TOPBP1: variants seen among roughly 807,000 people sequenced by gnomAD.
The protein encoded by TOPBP1 is DNA topoisomerase 2-binding protein 1.
A neutral mutation model predicts 167.7 loss-of-function variants in TOPBP1; 28 were observed. That is an observed-to-expected ratio of 0.17 (90% CI 0.12 to 0.23). TOPBP1 has a LOEUF of 0.23. Ranked by LOEUF, TOPBP1 falls within the 10% of genes least tolerant of loss-of-function variation. The pLI, the probability that TOPBP1 is intolerant of heterozygous loss-of-function variation, is 1.00. For synonymous variants in TOPBP1, 598 were observed against 611.4 expected (o/e 0.98, Z 0.32); for missense variants, 1,554 against 1,809.6 (o/e 0.86, Z 2.56).
chr3:133,649,003 CATG>C (rs1400360216), intron 10 of TOPBP1, among the ~76,000 whole-genome samples: 2 of 151,998 alleles, frequency 1.3e-5, no homozygotes, highest in African/African-American at 4.8e-5. Flanking sequence ...TACCTTACTA[CATG>C]ATAAGAGTAC....
At position 133,649,870 on chromosome 3, in the gene TOPBP1, C is replaced by G. The variant is rs753012097; in HGVS notation, c.1163G>C (p.Arg388Pro). Residue 388 changes from arginine to proline, a missense_variant, in exon 9 of 28, where the codon CGT becomes CCT. Transcript: ENST00000260810. The stretch of plus-strand genomic sequence containing the variant: ...TACATCTTCATTTAGCTGGTTAAAA[C>G]GAACTCCACCTCCACTGTTAATAAG... The part of the protein sequence containing the change: ...RRLINSGGGV[R>P]FNQLNEDVTH... 6.2e-7 allele frequency: 1 copy of G among 1,612,706 alleles called. No homozygotes were observed. Among genetic ancestry groups the G allele is most frequent in the Non-Finnish European group, 8.5e-7 (1 of 1,179,528 alleles).
At chr3:133,612,006 G>A (rs1229401682) in intron 24 of TOPBP1, among the ~76,000 whole-genome samples, 1 of 150,576 alleles carries the variant, frequency 6.6e-6, no homozygotes, top group African/African-American at 2.4e-5. Flanking sequence ...CCAAAGTGCT[G>A]AAAGTGGCAT....
intron 27 of TOPBP1, among the ~76,000 whole-genome samples, chr3:133,602,787 G>A (rs1249650250): frequency 6.6e-6 from 1 of 152,124 alleles, no homozygotes; most frequent in Non-Finnish European, 1.5e-5. Flanking sequence ...TATAAAATAG[G>A]CAGTGGGCCA....
intron 8 of TOPBP1, among the ~76,000 whole-genome samples, chr3:133,651,171 CTTTT>C (rs1176625452): frequency 2.4e-5 from 2 of 82,086 alleles, no homozygotes; most frequent in Non-Finnish European, 4.4e-5. Context: ...CCGAATTTCC[CTTTT>C]TTTTTTTTTT....
At chr3:133,641,256 C>T (rs1300649501) in intron 12 of TOPBP1, among the ~76,000 whole-genome samples, 1 of 152,100 alleles carries the variant, frequency 6.6e-6, no homozygotes, top group Non-Finnish European at 1.5e-5. Context: ...TCACTTGTAT[C>T]GTAAATTCCT....
intron 6 of TOPBP1, among the ~76,000 whole-genome samples, chr3:133,653,736 T>C (rs915241284): frequency 3.9e-5 from 6 of 151,918 alleles, no homozygotes; most frequent in Non-Finnish European, 8.8e-5. Flanking sequence ...ATCAAGCGAT[T>C]CTCCTGCCTC....
chr3:133,661,370 C>G (rs1274545182), intron 1 of TOPBP1, among the ~76,000 whole-genome samples: 1 of 152,212 alleles, frequency 6.6e-6, no homozygotes, highest in African/African-American at 2.4e-5. Flanking sequence ...GAATTGAATA[C>G]ACTGAGGAAG....
At chr3:133,630,544 C>T (rs1019531541) in intron 14 of TOPBP1, among the ~76,000 whole-genome samples, 3 of 152,032 alleles carry the variant, frequency 2.0e-5, no homozygotes, top group African/African-American at 4.8e-5. Flanking sequence ...GCAATCCTCT[C>T]GCCTTGGCCT....
chr3:133,660,507 T>A (rs1428941342), intron 2 of TOPBP1, among the ~76,000 whole-genome samples: 3 of 152,308 alleles, frequency 2.0e-5, no homozygotes, highest in Admixed American at 6.5e-5. Context: ...CTTCTCAAAC[T>A]TTAATGCACA....
At chr3:133,645,528 G>A (rs1186881060) in intron 10 of TOPBP1, among the ~76,000 whole-genome samples, 1 of 152,046 alleles carries the variant, frequency 6.6e-6, no homozygotes, top group African/African-American at 2.4e-5. Flanking sequence ...TGTTTTATAA[G>A]TAAAAACCTT....
intron 27 of TOPBP1, among the ~76,000 whole-genome samples, chr3:133,607,475 TAAG>T (rs1392128537): frequency 8.5e-5 from 13 of 152,128 alleles, no homozygotes; most frequent in Admixed American, 6.5e-4. Flanking sequence ...TTTCGTTTTT[TAAG>T]AAGCTGCCAG....
At chr3:133,629,898 T>C (rs1431749061) in intron 14 of TOPBP1, among the ~76,000 whole-genome samples, 5 of 152,056 alleles carry the variant, frequency 3.3e-5, no homozygotes, top group Non-Finnish European at 7.4e-5. Flanking sequence ...GCGATTCTCC[T>C]GCCTCAGCCT....
At chr3:133,627,254 G>C (rs1423801850) in intron 16 of TOPBP1, among the ~76,000 whole-genome samples, 1 of 151,990 alleles carries the variant, frequency 6.6e-6, no homozygotes, top group African/African-American at 2.4e-5. Context: ...CATCCTATAT[G>C]TTCCCTTGAA....
At chr3:133,615,192 A>G (rs1934824106) in intron 23 of TOPBP1, among the ~76,000 whole-genome samples, 1 of 152,110 alleles carries the variant, frequency 6.6e-6, no homozygotes, top group Non-Finnish European at 1.5e-5. Context: ...TATTTTGGCC[A>G]GGTGCGGTGG....
chr3:133,623,285 G>T (rs773017730), intron 18 of TOPBP1, 26 bp downstream of exon 18: 3 of 1,613,108 alleles, frequency 1.9e-6, no homozygotes, highest in Non-Finnish European at 2.5e-6. Flanking sequence ...TTAAGAGGGG[G>T]TAAATGTATC....
At chr3:133,659,719 C>G (rs187698260) in intron 2 of TOPBP1, among the ~76,000 whole-genome samples, 1 of 151,920 alleles carries the variant, frequency 6.6e-6, no homozygotes, top group Non-Finnish European at 1.5e-5. Context: ...TCTCAAATAC[C>G]CTTCCTCTAC....
chr3:133,601,506 A>T, intron 27 of TOPBP1, 113 bp from the exon 28 acceptor site: 1 of 851,396 alleles, frequency 1.2e-6, no homozygotes, highest in Admixed American at 3.6e-5. Flanking sequence ...TGACAAACTT[A>T]AAGGAAAACG....
intron 16 of TOPBP1, 131 bp from the exon 17 acceptor site, chr3:133,624,306 T>A: frequency 9.7e-7 from 1 of 1,026,628 alleles, no homozygotes; most frequent in Non-Finnish European, 1.4e-6. Context: ...ACAAGACCAT[T>A]AAAATGACAG....
chr3:133,637,768 G>A lies in TOPBP1; in HGVS notation c.2520+108C>T. Reference sequence around the variant, plus strand: ...CAGTAACATAAATCTACTTGCCAATGTCTCTGGAAAATTTATTACTACACT... The same window carrying A: ...CAGTAACATAAATCTACTTGCCAATATCTCTGGAAAATTTATTACTACACT... On this transcript the variant is annotated intron_variant, in intron 14 of 27. Transcript: ENST00000260810. 5.8e-6 allele frequency: 7 copies of A among 1,199,734 alleles called. No individual in the cohort carries two copies. In the South Asian group the frequency reaches 1.1e-4, roughly 19 times the overall value. 74.3% of individuals were successfully genotyped at this position (1,199,734 alleles called of 1,614,324 possible).
Sources: gnomAD v4.1 joint callset for allele counts (sites outside exome capture counted in the v4.1 genomes callset) on GRCh38, gnomAD v4.1.1 for gene constraint, MANE v1.5 for transcripts, NCBI Gene and HGNC (gene_info 2026-07-23, HGNC 2026-07-21) for gene names.